ZNF281: variants seen among roughly 807,000 people sequenced by gnomAD.
ZNF281 encodes the protein zinc finger protein 281.
ZNF281 carries 2 observed loss-of-function variants against 58.8 expected under a neutral mutation model. That is an observed-to-expected ratio of 0.03 (90% CI 0.01 to 0.11). ZNF281 has a LOEUF of 0.11. Ranked by LOEUF, ZNF281 falls within the 10% of genes least tolerant of loss-of-function variation. The pLI is 1.00. For synonymous variants in ZNF281, 465 were observed against 407.7 expected, an observed-to-expected ratio of 1.14 and a Z score of -1.69; for missense variants, 975 against 1,090.7, an observed-to-expected ratio of 0.89 and a Z score of 1.49.
Position 200,408,542 on chromosome 1 carries a change from C to A in ZNF281, c.1164G>T (p.Met388Ile). Reference sequence around the variant, plus strand: ...CCTGAGACAACACAGCCAGATTACCCATATTGGTATGGTTTGATGACCCAG... The same window carrying A: ...CCTGAGACAACACAGCCAGATTACCAATATTGGTATGGTTTGATGACCCAG... ...AEPGSSNHTN[M>I]GNLAVLSQGN... Residue 388 changes from methionine to isoleucine, a missense_variant, in exon 2 of 2, where the codon ATG (methionine) becomes ATT (isoleucine). Physicochemically the swap from Met to Ile is conservative, Grantham distance 10. Transcript: ENST00000367353. 4 of 1,614,194 alleles carry A rather than the reference C, an allele frequency of 2.5e-6. 1 individual carries two copies. In the South Asian group the frequency reaches 4.4e-5, roughly 18 times the overall value.
In ZNF281 at chr1:200,407,898, G is replaced by T; in HGVS notation, c.1808C>A (p.Pro603His). ...IKSCHDKSGI[P>H]DEVLQSILDQ... is the part of the protein sequence containing the mutation. ...CAAAATACTTTGTAAAACCTCATCAGGAATTCCAGACTTGTCATGACAAGA... is the reference window on the plus strand; with the variant it reads ...CAAAATACTTTGTAAAACCTCATCATGAATTCCAGACTTGTCATGACAAGA... The change falls in exon 2 of 2, where the codon CCT becomes CAT. Residue 603 changes from proline (P) to histidine (H), a missense_variant. By Grantham distance (77) the Pro-to-His change is moderately conservative. Transcript: ENST00000367353. The T allele has an allele frequency of 6.2e-7, 1 of 1,614,064 alleles. No individual in the cohort carries two copies.
chr1:200,408,876 C>T lies in ZNF281; in HGVS notation c.830G>A (p.Arg277Gln), dbSNP rs1181681322. 6.2e-7 allele frequency: 1 copy of T among 1,614,068 alleles called. No homozygotes were observed. The highest frequency in any genetic ancestry group is 8.5e-7 in the Non-Finnish European group (1 of 1,180,042). Residue 277 changes from arginine (R) to glutamine (Q), a missense_variant, in exon 2 of 2, where the codon CGG becomes CAG. Physicochemically the swap from Arg to Gln is conservative, Grantham distance 43. This residue lies in a region of ZNF281 where 26 missense variants were observed against 121.0 expected (regional missense o/e 0.21). Transcript: ENST00000367353. ...TCCTGTATGAATGAGGACATGTCTC[C>T]GCAGGTGATAGGAGCTTCGGAAAGC... ...SAAFRSSYHL[R>Q]RHVLIHTGER... is the part of the protein sequence containing the mutation.
Position 200,406,214 on chromosome 1 carries a change from T to C in ZNF281, c.*804A>G, listed in dbSNP as rs1192184752. On this transcript the variant is annotated 3_prime_UTR_variant, in exon 2 of 2. Transcript: ENST00000367353. ...AACCACTTGGGCTTCAACACTGTAC[T>C]AGATGTCAGTAGAATCGCTTGATGG... 3 of 152,544 alleles carry C rather than the reference T, an allele frequency of 2.0e-5. No individual in the cohort carries two copies. The highest frequency in any genetic ancestry group is 2.9e-5 in the Non-Finnish European group (2 of 68,016). 9.4% of individuals were successfully genotyped at this position (152,544 alleles called of 1,614,324 possible).
In ZNF281 at chr1:200,407,730, T is replaced by C; in HGVS notation, c.1976A>G (p.Asn659Ser). The C allele has an allele frequency of 6.2e-7, 1 of 1,614,176 alleles. No individual in the cohort carries two copies. The highest frequency in any genetic ancestry group is 1.3e-5 in the African/African-American group (1 of 75,054). Residue 659 changes from asparagine (N) to serine (S), a missense_variant, in exon 2 of 2, where the codon AAT becomes AGT. This residue lies in a region of ZNF281 where 579 missense variants were observed against 608.9 expected (regional missense o/e 0.95). Transcript: ENST00000367353. ...TTCTTGCAACATACTTGCTTTATCATTTGAAGGTGTTTGGGTGCCTGGGCT... is the reference window on the plus strand; with the variant it reads ...TTCTTGCAACATACTTGCTTTATCACTTGAAGGTGTTTGGGTGCCTGGGCT... Reference protein sequence around the residue: ...NLSPGTQTPSNDKASMLQEYS... With the variant: ...NLSPGTQTPSSDKASMLQEYS...
rs1654510711 is a variant in ZNF281 at position 200,408,233 on chromosome 1, T to C, written c.1473A>G (p.Gly491=). 4 of 1,612,242 alleles carry C rather than the reference T, an allele frequency of 2.5e-6. No homozygotes were observed. In the Admixed American group the frequency reaches 6.7e-5, roughly 27 times the overall value. Residue 491 remains glycine, a synonymous_variant, in exon 2 of 2, where the codon GGA becomes GGG. Coordinates refer to ENST00000367353, the MANE Select transcript of ZNF281 (RefSeq NM_001281293.2). ...NFVSPLPDIV[G]QKSLSGKPSG... ...TTGGTTTTCCAGACAAGGATTTCTG[T>C]CCTACTATGTCTGGTAATGGTGACA...
Position 200,409,565 on chromosome 1 carries a change from G to A in ZNF281, c.141C>T (p.Pro47=), listed in dbSNP as rs1015477248. 4.1e-5 allele frequency: 63 copies of A among 1,549,694 alleles called. No individual in the cohort carries two copies. The highest frequency in any genetic ancestry group is 2.2e-4 in the African/African-American group (16 of 72,916). The change falls in exon 2 of 2, where the codon CCC becomes CCT. Residue 47 remains proline (P), a synonymous_variant. Coordinates refer to ENST00000367353, the MANE Select transcript of ZNF281 (RefSeq NM_001281293.2). ...GGTGGTTGAACATAACCATACCCTGGGGAAAGGTGGGTTCCATCTCTGCCC... is the reference window on the plus strand; with the variant it reads ...GGTGGTTGAACATAACCATACCCTGAGGAAAGGTGGGTTCCATCTCTGCCC... ...GRRAEMEPTF[P]QGMVMFNHRL...
In ZNF281 at chr1:200,408,993, C is replaced by T; in HGVS notation, c.713G>A (p.Ser238Asn). 2 of 1,614,260 alleles carry T rather than the reference C, an allele frequency of 1.2e-6. No homozygotes were observed. The highest frequency in any genetic ancestry group is 1.7e-6 in the Non-Finnish European group (2 of 1,180,052). ...AACCAAAGAAGGTTTGGAAGATGCACTTGGCTTCCTCTTGGCTTTGATTCC... is the reference window on the plus strand; with the variant it reads ...AACCAAAGAAGGTTTGGAAGATGCATTTGGCTTCCTCTTGGCTTTGATTCC... ...SQGIKAKRKP[S>N]ASSKPSLVGD... Residue 238 changes from serine to asparagine, a missense_variant, in exon 2 of 2, where the codon AGT becomes AAT. This residue lies in a region of ZNF281 where 370 missense variants were observed against 360.9 expected (regional missense o/e 1.03). Transcript: ENST00000367353.
intron 1 of ZNF281, 27 bp from the exon 2 acceptor site, chr1:200,409,750 G>A: frequency 1.9e-6 from 3 of 1,580,432 alleles, no homozygotes; most frequent in Non-Finnish European, 2.6e-6. Flanking sequence ...GAAGAGGGAA[G>A]AGGGAGGAAA....
intron 1 of ZNF281, 104 bp downstream of exon 1, chr1:200,409,842 A>G: frequency 1.5e-6 from 2 of 1,328,076 alleles, no homozygotes; most frequent in South Asian, 1.5e-5. Flanking sequence ...CAACGCGCCC[A>G]GCACTAATTC....
In ZNF281 at chr1:200,409,486, G is replaced by T; in HGVS notation, c.220C>A (p.Pro74Thr). The change falls in exon 2 of 2, where the codon CCG becomes ACG. Residue 74 changes from proline (P) to threonine (T), a missense_variant. Transcript: ENST00000367353. ...GTAGAGGAGGATAACACGCATTGCG[G>T]GGGAGGGGCGGCCGACCCCGCCGGC... is the stretch of plus-strand genomic sequence containing the variant. ...TRPAGSAAPP[P>T]QCVLSSSTSA... 6.5e-7 allele frequency: 1 copy of T among 1,548,332 alleles called. No homozygotes were observed. Among genetic ancestry groups the T allele is most frequent in the East Asian group, 2.4e-5 (1 of 40,848 alleles).
Position 200,406,895 on chromosome 1 carries a change from AG to A in ZNF281, c.*122del, listed in dbSNP as rs1654465954. On this transcript the variant is annotated 3_prime_UTR_variant, in exon 2 of 2. Coordinates refer to ENST00000367353, the MANE Select transcript of ZNF281 (RefSeq NM_001281293.2). ...CTAACAAAATAAACTAAATATGAAA[AG>A]TTGCATTGAAAGGGCATCACATTAT... The A allele has an allele frequency of 1.2e-6, 1 of 858,622 alleles. No individual in the cohort carries two copies. The highest frequency in any genetic ancestry group is 1.7e-5 in the African/African-American group (1 of 58,690). The allele number at this position is 858,622 out of a possible 1,614,324, so 53.2% of individuals were successfully genotyped here.
Position 200,408,130 on chromosome 1 carries a change from G to C in ZNF281, c.1576C>G (p.Gln526Glu). The C allele has an allele frequency of 6.2e-7, 1 of 1,614,098 alleles. No individual in the cohort carries two copies. Among genetic ancestry groups the C allele is most frequent in the Non-Finnish European group, 8.5e-7 (1 of 1,180,036 alleles). Reference protein sequence around the residue: ...LLQSTSGKQGQISSNYDDAMQ... With the variant: ...LLQSTSGKQGEISSNYDDAMQ... ...GCATCATCATAATTACTACTTATCT[G>C]ACCTTGTTTGCCACTTGTACTTTGG... Residue 526 changes from glutamine (Q) to glutamate (E), a missense_variant, in exon 2 of 2, where the codon CAG becomes GAG. Gln to Glu is a conservative substitution (Grantham distance 29, BLOSUM62 2). This residue lies in a region of ZNF281 where 579 missense variants were observed against 608.9 expected (regional missense o/e 0.95). Coordinates refer to ENST00000367353, the MANE Select transcript of ZNF281 (RefSeq NM_001281293.2).
Position 200,407,390 on chromosome 1 carries a change from C to G in ZNF281, c.2316G>C (p.Gln772His). The change falls in exon 2 of 2, where the codon CAG becomes CAC. Residue 772 changes from glutamine to histidine, a missense_variant. Physicochemically the swap from Gln to His is conservative, Grantham distance 24. Coordinates refer to ENST00000367353, the MANE Select transcript of ZNF281 (RefSeq NM_001281293.2). ...AGGCTGATGAAGTCTCTAAGTTCTT[C>G]TGAGAATCTATCAGATCATCCAGCT... is the stretch of plus-strand genomic sequence containing the variant. The part of the protein sequence containing the change: ...SQELDDLIDS[Q>H]KNLETSSAFQ... 1 of 1,614,126 alleles carries G rather than the reference C, an allele frequency of 6.2e-7. No homozygotes were observed. The highest frequency in any genetic ancestry group is 2.2e-5 in the East Asian group (1 of 44,878).
At position 200,409,447 on chromosome 1, in the gene ZNF281, C is replaced by T. The variant is rs1174113893; in HGVS notation, c.259G>A (p.Ala87Thr). 7.2e-6 allele frequency: 11 copies of T among 1,528,710 alleles called. No homozygotes were observed. The highest frequency in any genetic ancestry group is 9.7e-6 in the Non-Finnish European group (11 of 1,134,304). The allele number at this position is 1,528,710 out of a possible 1,614,324, so 94.7% of individuals were successfully genotyped here. ...GCTGGCGGAGGGGGGGGCTCAGCGG[C>T]CGGGGCTGCGGAGGTAGAGGAGGAT... ...VLSSSTSAAP[A>T]AEPPPPPAPD... The change falls in exon 2 of 2, where the codon GCC becomes ACC. Residue 87 changes from alanine (A) to threonine (T), a missense_variant. By Grantham distance (58) the Ala-to-Thr change is moderately conservative. Coordinates refer to ENST00000367353, the MANE Select transcript of ZNF281 (RefSeq NM_001281293.2).
rs577402713 is a variant in ZNF281, at chr1:200,407,102, G to C, written c.2604C>G (p.Phe868Leu). 1 of 1,614,116 alleles carries C rather than the reference G, an allele frequency of 6.2e-7. No individual in the cohort carries two copies. The highest frequency in any genetic ancestry group is 1.1e-5 in the South Asian group (1 of 91,080). Residue 868 changes from phenylalanine to leucine, a missense_variant, in exon 2 of 2, where the codon TTC (phenylalanine) becomes TTG (leucine). This residue lies in a region of ZNF281 where 579 missense variants were observed against 608.9 expected (regional missense o/e 0.95). Coordinates refer to ENST00000367353, the MANE Select transcript of ZNF281 (RefSeq NM_001281293.2). Reference protein sequence around the residue: ...DHRVRTSVSDFSGYTNMMSDV... With the variant: ...DHRVRTSVSDLSGYTNMMSDV... ...CAGACATCATATTTGTATACCCTGAGAAATCTGACACTGAAGTCCTTACTC... is the reference window on the plus strand; with the variant it reads ...CAGACATCATATTTGTATACCCTGACAAATCTGACACTGAAGTCCTTACTC...
At position 200,408,947 on chromosome 1, in the gene ZNF281, G is replaced by A. The variant is rs756988570; in HGVS notation, c.759C>T (p.Ile253=). Residue 253 remains isoleucine, a synonymous_variant, in exon 2 of 2, where the codon ATC becomes ATT. Coordinates refer to ENST00000367353, the MANE Select transcript of ZNF281 (RefSeq NM_001281293.2). The part of the protein sequence containing the change: ...PSLVGDGEGA[I]LSPSQKPHIC... ...TATGAGGTTTCTGACTTGGGGAGAG[G>A]ATGGCACCTTCTCCATCTCCAACCA... 2 of 1,614,238 alleles carry A rather than the reference G, an allele frequency of 1.2e-6. No homozygotes were observed. Among genetic ancestry groups the A allele is most frequent in the South Asian group, 2.2e-5 (2 of 91,084 alleles).
chr1:200,409,288 ACTGCTG>A lies in ZNF281; in HGVS notation c.412_417del (p.Gln138_Gln139del). ...TGGTGGTGGTGATGGTGGTGGTGGG[ACTGCTG>A]CTCCTCAGGATCCGCGGGTTTCTCC... On this transcript the variant is annotated inframe_deletion, in exon 2 of 2. Transcript: ENST00000367353. The A allele has an allele frequency of 6.2e-7, 1 of 1,610,540 alleles. No individual in the cohort carries two copies. The highest frequency in any genetic ancestry group is 8.5e-7 in the Non-Finnish European group (1 of 1,178,020).
chr1:200,409,512 C>T lies in ZNF281; in HGVS notation c.194G>A (p.Arg65Gln), dbSNP rs536159419. The T allele has an allele frequency of 1.9e-4, 298 of 1,549,380 alleles. 7 individuals are homozygous for T. The South Asian group carries it at 3.2e-3, about 17-fold the overall frequency. ...HRLPPVTSFTRPAGSAAPPPQ... is the reference protein window; with the variant it reads ...HRLPPVTSFTQPAGSAAPPPQ... ...GGGAGGGGCGGCCGACCCCGCCGGC[C>T]GGGTGAAGCTGGTGACCGGGGGAAG... is the stretch of plus-strand genomic sequence containing the variant. Residue 65 changes from arginine (R) to glutamine (Q), a missense_variant, in exon 2 of 2, where the codon CGG becomes CAG. By Grantham distance (43) the Arg-to-Gln change is conservative (BLOSUM62 1). Transcript: ENST00000367353.
Position 200,407,960 on chromosome 1 carries a change from T to C in ZNF281, c.1746A>G (p.Ser582=). The C allele has an allele frequency of 6.2e-7, 1 of 1,614,180 alleles. No individual in the cohort carries two copies. The highest frequency in any genetic ancestry group is 1.1e-5 in the South Asian group (1 of 91,086). The change falls in exon 2 of 2, where the codon TCA becomes TCG. Residue 582 remains serine, a synonymous_variant. Coordinates refer to ENST00000367353, the MANE Select transcript of ZNF281 (RefSeq NM_001281293.2). ...VSVLDNEAPL[S]LIDSSALNAE... ...CATTTAGAGCTGAGGAGTCAATAAG[T>C]GACAATGGTGCCTCATTGTCCAAAA...
Sources: gnomAD v4.1 joint callset for allele counts on GRCh38, gnomAD v4.1.1 for gene constraint, gnomAD v4.1.1 regional missense constraint, MANE v1.5 for transcripts, NCBI Gene and HGNC (gene_info 2026-07-23, HGNC 2026-07-21) for gene names.